SPMAP2L: variants seen among roughly 807,000 people sequenced by gnomAD.
The protein encoded by SPMAP2L is sperm microtubule associated protein 2-like.
the SPMAP2L span, among the ~76,000 whole-genome samples, chr4:56,579,378 T>C: frequency 3.3e-5 from 5 of 152,114 alleles, no homozygotes; most frequent in Non-Finnish European, 5.9e-5. Context: ...AAGAAATCAC[T>C]TTGATATGAA....
At chr4:56,603,544 A>G in the SPMAP2L span, 1 of 384,090 alleles carries the variant, frequency 2.6e-6, no homozygotes, top group Non-Finnish European at 4.7e-6. Flanking sequence ...CATGCAATAA[A>G]TGAGAAAATG....
the SPMAP2L span, among the ~76,000 whole-genome samples, chr4:56,577,582 T>C: frequency 2.0e-5 from 3 of 151,728 alleles, no homozygotes; most frequent in African/African-American, 7.3e-5. Flanking sequence ...TGAGACTCTG[T>C]CTCAAAATAA....
At chr4:56,612,936 G>C in the SPMAP2L span, among the ~76,000 whole-genome samples, 23 of 152,250 alleles carry the variant, frequency 1.5e-4, no homozygotes, top group Non-Finnish European at 3.4e-4. Flanking sequence ...ATTTTGAAGG[G>C]ATTCAAAATC....
chr4:56,604,665 A>AAAAAG, the SPMAP2L span, among the ~76,000 whole-genome samples: 4 of 152,140 alleles, frequency 2.6e-5, no homozygotes, highest in East Asian at 1.9e-4. Flanking sequence ...TCTCAAAAAA[A>AAAAAG]AAAAGAAAAG....
At chr4:56,557,277 G>A in the SPMAP2L span, among the ~76,000 whole-genome samples, 2 of 148,658 alleles carry the variant, frequency 1.3e-5, no homozygotes, top group Non-Finnish European at 1.5e-5. Context: ...AAAAAGAAAA[G>A]AAAAGAAAAG....
the SPMAP2L span, among the ~76,000 whole-genome samples, chr4:56,598,915 C>A: frequency 6.6e-6 from 1 of 152,024 alleles, no homozygotes; most frequent in Non-Finnish European, 1.5e-5. Context: ...TTAGTGAGTT[C>A]TCATGAGATC....
At chr4:56,540,660 G>A in the SPMAP2L span, among the ~76,000 whole-genome samples, 1 of 151,990 alleles carries the variant, frequency 6.6e-6, no homozygotes, top group African/African-American at 2.4e-5. Context: ...AAGAGAGAAA[G>A]AAAGAAAGAA....
the SPMAP2L span, among the ~76,000 whole-genome samples, chr4:56,590,760 TAA>T: frequency 6.6e-6 from 1 of 152,274 alleles, no homozygotes; most frequent in Non-Finnish European, 1.5e-5. Context: ...ATGATTATTT[TAA>T]GTCTTTTTAG....
At chr4:56,601,195 A>G in the SPMAP2L span, 25 of 1,291,716 alleles carry the variant, frequency 1.9e-5, no homozygotes, top group Non-Finnish European at 5.2e-6. Flanking sequence ...GCAAATGAAA[A>G]GAGTTGTAGA....
At chr4:56,586,808 C>G in the SPMAP2L span, among the ~76,000 whole-genome samples, 2 of 152,098 alleles carry the variant, frequency 1.3e-5, no homozygotes, top group Non-Finnish European at 2.9e-5. Flanking sequence ...CAGTCATACT[C>G]TGTTTATTGT....
the SPMAP2L span, among the ~76,000 whole-genome samples, chr4:56,623,471 AG>A: frequency 6.6e-6 from 1 of 152,166 alleles, no homozygotes; most frequent in Non-Finnish European, 1.5e-5. Flanking sequence ...AGGAAGGGAG[AG>A]GAGCCCTAGA....
the SPMAP2L span, chr4:56,600,901 A>G: frequency 2.6e-6 from 4 of 1,515,970 alleles, no homozygotes; most frequent in Non-Finnish European, 2.6e-6. Flanking sequence ...AAAATTTGGG[A>G]TATATTTTTG....
At chr4:56,570,580 A>G in the SPMAP2L span, among the ~76,000 whole-genome samples, 1 of 152,160 alleles carries the variant, frequency 6.6e-6, no homozygotes, top group Non-Finnish European at 1.5e-5. Context: ...GGTACACCTG[A>G]ATAGGACATT....
At chr4:56,613,598 T>C in the SPMAP2L span, among the ~76,000 whole-genome samples, 1 of 152,272 alleles carries the variant, frequency 6.6e-6, no homozygotes, top group Admixed American at 6.5e-5. Context: ...ATGATCTCAG[T>C]AGTCAGGAAT....
chr4:56,582,290 A>T, the SPMAP2L span, among the ~76,000 whole-genome samples: 1 of 152,208 alleles, frequency 6.6e-6, no homozygotes, highest in Non-Finnish European at 1.5e-5. Flanking sequence ...AATTATTGAA[A>T]ATCATATATC....
the SPMAP2L span, among the ~76,000 whole-genome samples, chr4:56,568,389 G>GT: frequency 2.0e-5 from 3 of 152,064 alleles, no homozygotes; most frequent in African/African-American, 7.2e-5. Context: ...GCTCCTGGAT[G>GT]TTTTTGTATT....
chr4:56,558,337 A>C, the SPMAP2L span, among the ~76,000 whole-genome samples: 1 of 152,002 alleles, frequency 6.6e-6, no homozygotes, highest in South Asian at 2.1e-4. Flanking sequence ...CTTCTAACTT[A>C]CTTTAAGCCA....
At chr4:56,597,989 A>G in the SPMAP2L span, among the ~76,000 whole-genome samples, 1 of 152,090 alleles carries the variant, frequency 6.6e-6, no homozygotes, top group Non-Finnish European at 1.5e-5. Flanking sequence ...CAGCCACCTG[A>G]GCAGCTGGGA....
the SPMAP2L span, among the ~76,000 whole-genome samples, chr4:56,580,965 C>T: frequency 2.0e-5 from 3 of 152,014 alleles, no homozygotes; most frequent in Non-Finnish European, 2.9e-5. Flanking sequence ...TCTACAGTAT[C>T]GATGAACTTT....
Sources: gnomAD v4.1 joint callset for allele counts (sites outside exome capture counted in the v4.1 genomes callset) on GRCh38, gnomAD v4.1.1 for gene constraint, MANE v1.5 for transcripts, NCBI Gene and HGNC (gene_info 2026-07-23, HGNC 2026-07-21) for gene names.